Variants in PHTF2 observed in about 807,000 individuals in gnomAD.
PHTF2 encodes putative homeodomain transcription factor 2.
In PHTF2, 60 loss-of-function variants were observed where a neutral mutation model predicts 101.2. The observed-to-expected ratio is 0.59, with a 90% confidence interval of 0.48 to 0.73. The LOEUF (loss-of-function observed/expected upper bound fraction) is 0.73, where lower values mean the gene tolerates loss of function less well. PHTF2 is among the 30% of genes least tolerant of loss of function. The probability of loss-of-function intolerance (pLI) is 0.00; values close to 1 mark genes in which losing one functional copy is unlikely to be tolerated. For missense variants in PHTF2, 747 were observed against 908.7 expected (o/e 0.82, Z 2.29); for synonymous variants, 311 against 307.3 (o/e 1.01, Z -0.13).
intron 5 of PHTF2, chr7:77,895,864 A>G (rs1338189769): frequency 2.6e-5 from 4 of 152,186 alleles, no homozygotes; most frequent in Admixed American, 6.5e-5. Flanking sequence ...TTAAAAACAT[A>G]AAAACTTGCT....
At chr7:77,809,257 C>G (rs180768042) in intron 1 of PHTF2, among the ~76,000 whole-genome samples, 14 of 111,602 alleles carry the variant, frequency 1.3e-4, no homozygotes, top group African/African-American at 5.4e-4. Flanking sequence ...GATGGAGTCT[C>G]TCTTTGTCAC....
intron 1 of PHTF2, among the ~76,000 whole-genome samples, chr7:77,834,717 A>T (rs1345555412): frequency 6.6e-6 from 1 of 152,248 alleles, no homozygotes; most frequent in East Asian, 1.9e-4. Flanking sequence ...CACAGCTCTT[A>T]GTATCAGAAC....
At chr7:77,939,911 A>T in intron 13 of PHTF2, 119 bp from the exon 13 acceptor site, 1 of 701,326 alleles carries the variant, frequency 1.4e-6, no homozygotes, top group African/African-American at 1.8e-5. Flanking sequence ...GATTCAAATT[A>T]CTCAGAATGA....
intron 3 of PHTF2, among the ~76,000 whole-genome samples, chr7:77,884,137 T>C (rs1305700894): frequency 2.0e-5 from 3 of 152,212 alleles, no homozygotes; most frequent in African/African-American, 2.4e-5. Context: ...TATTAAAAGC[T>C]GGGGAAAACA....
intron 3 of PHTF2, among the ~76,000 whole-genome samples, chr7:77,892,449 G>A (rs1800521122): frequency 6.6e-6 from 1 of 151,428 alleles, no homozygotes; most frequent in South Asian, 2.1e-4. Context: ...GGACTTTAGG[G>A]TAAATTATGT....
intron 19 of PHTF2, 113 bp from the exon 19 acceptor site, chr7:77,954,745 G>GA (rs1806885934): frequency 3.3e-6 from 2 of 597,234 alleles, no homozygotes; most frequent in East Asian, 6.4e-5. Context: ...TAAAATATTA[G>GA]AAACTGCACT....
At chr7:77,916,109 G>A (rs1205916999) in intron 9 of PHTF2, among the ~76,000 whole-genome samples, 2 of 151,916 alleles carry the variant, frequency 1.3e-5, no homozygotes, top group Admixed American at 6.6e-5. Context: ...GGTGATTTCA[G>A]TATATATGTT....
chr7:77,923,049 C>T (rs1803633288), intron 11 of PHTF2: 2 of 1,096,974 alleles, frequency 1.8e-6, no homozygotes, highest in Admixed American at 9.7e-5. Context: ...GAAGAACATT[C>T]TGGAGAGAGA....
Position 77,903,571 on chromosome 7 carries a change from A to G in PHTF2, c.445+1651A>G, listed in dbSNP as rs76989722. On this transcript the variant is annotated intron_variant, in intron 7 of 19. Coordinates refer to ENST00000416283, the Ensembl canonical transcript of PHTF2. ...TTTACTTACTGGTTCCTCTAAGTTA[A>G]ATAGGGAACACGGGTTAGATTGGGC... 9.3e-4 allele frequency among the ~76,000 whole-genome samples: 141 copies of G among 152,376 alleles called. 2 individuals are homozygous for G. The East Asian group carries it at 0.021, about 23-fold the overall frequency.
At chr7:77,906,920 G>A (rs1801913867) in intron 7 of PHTF2, among the ~76,000 whole-genome samples, 2 of 118,280 alleles carry the variant, frequency 1.7e-5, no homozygotes, top group African/African-American at 6.6e-5. Context: ...GAAAAATTAA[G>A]AGTTAATGGT....
At chr7:77,881,689 C>G (rs1054326679) in intron 3 of PHTF2, among the ~76,000 whole-genome samples, 2 of 152,026 alleles carry the variant, frequency 1.3e-5, no homozygotes, top group Admixed American at 1.3e-4. Context: ...TTTTTTCAAA[C>G]CTGCTTTTAT....
intron 3 of PHTF2, among the ~76,000 whole-genome samples, chr7:77,855,549 T>G (rs767105705): frequency 3.9e-5 from 6 of 152,174 alleles, no homozygotes; most frequent in Non-Finnish European, 7.4e-5. Context: ...TACCAGGACT[T>G]GCCTAAGAAT....
chr7:77,914,173 G>C (rs1033124372), intron 9 of PHTF2, among the ~76,000 whole-genome samples: 1 of 152,028 alleles, frequency 6.6e-6, no homozygotes, highest in Admixed American at 6.6e-5. Context: ...ATAAGCTAGT[G>C]GGGGAAAATC....
At chr7:77,820,550 A>G (rs1794206018) in intron 1 of PHTF2, among the ~76,000 whole-genome samples, 1 of 151,414 alleles carries the variant, frequency 6.6e-6, no homozygotes. Flanking sequence ...GTGTTTGTGT[A>G]TACGTATATT....
Position 77,827,243 on chromosome 7 carries a change from A to G in PHTF2, c.-35-12978A>G, listed in dbSNP as rs1794753762. On this transcript the variant is annotated intron_variant, in intron 1 of 19. Coordinates refer to ENST00000416283, the Ensembl canonical transcript of PHTF2. ...AACTTTTTTCTAAATGTTAGGAGGA[A>G]CTTTTAAGACCTAAATAACTCGTGT... is the stretch of plus-strand genomic sequence containing the variant. Among the ~76,000 whole-genome samples the G allele has an allele frequency of 5.3e-5, 8 of 152,294 alleles. No homozygotes were observed. The South Asian group carries it at 1.7e-3, about 32-fold the overall frequency.
At chr7:77,917,239 T>C (rs895393741) in intron 9 of PHTF2, among the ~76,000 whole-genome samples, 4 of 152,230 alleles carry the variant, frequency 2.6e-5, no homozygotes, top group African/African-American at 9.6e-5. Flanking sequence ...GTATCAGTCT[T>C]TGAGCATTTC....
intron 9 of PHTF2, among the ~76,000 whole-genome samples, chr7:77,915,813 G>T (rs1802860974): frequency 6.6e-6 from 1 of 152,124 alleles, no homozygotes; most frequent in Non-Finnish European, 1.5e-5. Context: ...ATAAAAGCGT[G>T]TATAGAGATA....
chr7:77,816,869 G>A (rs1234930166), intron 1 of PHTF2, among the ~76,000 whole-genome samples: 2 of 152,132 alleles, frequency 1.3e-5, no homozygotes, highest in Non-Finnish European at 2.9e-5. Flanking sequence ...ATGTCCTCCA[G>A]TTCCATCCAT....
At chr7:77,861,000 G>A (rs1196706057) in intron 3 of PHTF2, among the ~76,000 whole-genome samples, 1 of 151,956 alleles carries the variant, frequency 6.6e-6, no homozygotes, top group Admixed American at 6.6e-5. Context: ...CACCTTACCT[G>A]GCCTTAATTG....
Sources: allele counts gnomAD v4.1 joint callset (sites outside exome capture counted in the v4.1 genomes callset), GRCh38; gene constraint gnomAD v4.1.1; transcripts MANE v1.5; gene names NCBI Gene and HGNC (gene_info 2026-07-23, HGNC 2026-07-21).